The following NRXN3 variants were observed in gnomAD, a reference collection of about 807,000 sequenced individuals.
NRXN3 encodes neurexin III.
NRXN3 carries 32 observed loss-of-function variants against 137.6 expected under a neutral mutation model. The ratio of observed to expected loss-of-function variants is 0.23; its 90% CI spans 0.18 to 0.31. The LOEUF (loss-of-function observed/expected upper bound fraction) is 0.31. Among genes scored for constraint, NRXN3 ranks in the 10% least tolerant of loss-of-function variants. NRXN3 has a pLI of 1.00. For missense variants in NRXN3, 1,574 were observed against 2,062.5 expected (o/e 0.76, Z 4.59); for synonymous variants, 798 against 784.5 (o/e 1.02, Z -0.29).
At chr14:79,516,192 G>A (rs1158146948) in intron 16 of NRXN3, among the ~76,000 whole-genome samples, 1 of 152,202 alleles carries the variant, frequency 6.6e-6, no homozygotes, top group East Asian at 1.9e-4. Context: ...TCCATGAGGA[G>A]GCTGAGCCAG....
At chr14:78,172,455 C>A (rs536880879) in intron 1 of NRXN3, among the ~76,000 whole-genome samples, 53 of 152,226 alleles carry the variant, frequency 3.5e-4, no homozygotes, top group Non-Finnish European at 6.3e-4. Flanking sequence ...TGAGAGGAGG[C>A]AAGGCTGGTA....
intron 19 of NRXN3, among the ~76,000 whole-genome samples, chr14:79,716,340 T>G (rs899838974): frequency 1.3e-5 from 2 of 152,232 alleles, no homozygotes; most frequent in South Asian, 2.1e-4. Flanking sequence ...TGAGGGACCA[T>G]ACACATTGAA....
intron 4 of NRXN3, among the ~76,000 whole-genome samples, chr14:78,605,181 C>T (rs1354200872): frequency 2.6e-5 from 4 of 152,146 alleles, no homozygotes; most frequent in African/African-American, 9.7e-5. Flanking sequence ...AAGTCATCAT[C>T]TTCCCTCAGG....
chr14:78,333,924 C>T (rs547048318), intron 4 of NRXN3, among the ~76,000 whole-genome samples: 1 of 152,040 alleles, frequency 6.6e-6, no homozygotes, highest in Admixed American at 6.6e-5. Flanking sequence ...GGGTGTTGGG[C>T]TAGAGTGGCT....
intron 10 of NRXN3, among the ~76,000 whole-genome samples, chr14:78,845,073 T>C (rs1396989266): frequency 6.6e-6 from 1 of 151,852 alleles, no homozygotes; most frequent in African/African-American, 2.4e-5. Context: ...AAAAAAAAAC[T>C]GTTGCAATGA....
chr14:78,661,806 G>A (rs2097844021), intron 6 of NRXN3, among the ~76,000 whole-genome samples: 1 of 152,068 alleles, frequency 6.6e-6, no homozygotes, highest in Non-Finnish European at 1.5e-5. Flanking sequence ...TACTTGATAG[G>A]GCTGTTGTAT....
In NRXN3 at chr14:78,243,554, C is replaced by T; in HGVS notation, c.461C>T (p.Thr154Ile). The change falls in exon 2 of 21, where the codon ACT becomes ATT. Residue 154 changes from threonine to isoleucine, a missense_variant. Transcript: ENST00000335750. The surrounding 1 kb of genome is among the most constrained non-coding windows in gnomAD (Gnocchi z 4.2). Reference sequence around the variant, plus strand: ...GACTTGTTCCTTGGTGGAGTCCCTACTGACATACGACCTTCTGCCCTGACC... The same window carrying T: ...GACTTGTTCCTTGGTGGAGTCCCTATTGACATACGACCTTCTGCCCTGACC... ...VSDLFLGGVP[T>I]DIRPSALTLD... 6.3e-7 allele frequency: 1 copy of T among 1,598,168 alleles called. No homozygotes were observed. Among genetic ancestry groups the T allele is most frequent in the Non-Finnish European group, 8.5e-7 (1 of 1,179,700 alleles).
intron 4 of NRXN3, among the ~76,000 whole-genome samples, chr14:78,551,163 A>C (rs2096685060): frequency 6.6e-6 from 1 of 152,214 alleles, no homozygotes; most frequent in Non-Finnish European, 1.5e-5. Context: ...GCTCTTATCA[A>C]AGTGACAGAG....
intron 15 of NRXN3, among the ~76,000 whole-genome samples, chr14:79,254,139 T>C (rs2076286776): frequency 1.3e-5 from 2 of 152,102 alleles, no homozygotes; most frequent in Non-Finnish European, 2.9e-5. Flanking sequence ...TGTGCCCCCA[T>C]AACACTCTGG....
chr14:78,770,043 T>G (rs564138327), intron 8 of NRXN3, among the ~76,000 whole-genome samples: 1 of 152,250 alleles, frequency 6.6e-6, no homozygotes, highest in East Asian at 1.9e-4. Flanking sequence ...GGTATGTGTG[T>G]GCGTGTTGCC....
At chr14:79,416,968 A>G (rs367936524) in intron 15 of NRXN3, among the ~76,000 whole-genome samples, 3 of 152,184 alleles carry the variant, frequency 2.0e-5, no homozygotes, top group East Asian at 3.9e-4. Context: ...GAATATTTCT[A>G]TAATATTTCC....
chr14:79,707,792 A>G (rs911547942), intron 19 of NRXN3, among the ~76,000 whole-genome samples: 1 of 152,162 alleles, frequency 6.6e-6, no homozygotes, highest in East Asian at 1.9e-4. Flanking sequence ...GCACACACAC[A>G]CAGGGACAGT....
intron 2 of NRXN3, among the ~76,000 whole-genome samples, chr14:78,276,301 A>G (rs2073581262): frequency 6.6e-6 from 1 of 152,134 alleles, no homozygotes; most frequent in African/African-American, 2.4e-5. Context: ...ACACTGAGGA[A>G]TGGGGTGGGA....
At chr14:79,833,700 A>C (rs1389198136) in intron 20 of NRXN3, among the ~76,000 whole-genome samples, 1 of 152,068 alleles carries the variant, frequency 6.6e-6, no homozygotes, top group Admixed American at 6.6e-5. Flanking sequence ...TATTGCATGG[A>C]CTCTATCAGT....
intron 18 of NRXN3, among the ~76,000 whole-genome samples, chr14:79,694,209 A>G (rs1411282332): frequency 6.6e-6 from 1 of 151,882 alleles, no homozygotes; most frequent in Non-Finnish European, 1.5e-5. Flanking sequence ...TAGACAATCC[A>G]CTTAACCTCT....
At chr14:78,329,053 A>T (rs1787158055) in intron 4 of NRXN3, among the ~76,000 whole-genome samples, 1 of 152,160 alleles carries the variant, frequency 6.6e-6, no homozygotes. Context: ...GAAATATCCT[A>T]CTCAGAAATA....
At chr14:79,125,028 T>C (rs375863886) in intron 15 of NRXN3, among the ~76,000 whole-genome samples, 127 of 152,364 alleles carry the variant, frequency 8.3e-4, no homozygotes, top group African/African-American at 2.8e-3. Context: ...TTTGTACATG[T>C]TTTTGTAATG....
intron 10 of NRXN3, among the ~76,000 whole-genome samples, chr14:78,897,080 C>T (rs2099178828): frequency 6.6e-6 from 1 of 151,836 alleles, no homozygotes; most frequent in Admixed American, 6.6e-5. Flanking sequence ...ACAATGGCAG[C>T]ATTGAATAGT....
chr14:78,281,453 G>A (rs2074397358), intron 3 of NRXN3, among the ~76,000 whole-genome samples: 1 of 152,194 alleles, frequency 6.6e-6, no homozygotes. Context: ...TAACCCTACT[G>A]TAAAGCAGTC....
Sources: allele counts gnomAD v4.1 joint callset (sites outside exome capture counted in the v4.1 genomes callset), GRCh38; gene constraint gnomAD v4.1.1; non-coding constraint Gnocchi (gnomAD v3.1); transcripts MANE v1.5; gene names NCBI Gene and HGNC (gene_info 2026-07-23, HGNC 2026-07-21).